The following TDRD3 variants were observed in gnomAD, a reference collection of about 807,000 sequenced individuals.
TDRD3 encodes tudor domain-containing protein 3.
TDRD3 carries 45 observed loss-of-function variants against 86.7 expected under a neutral mutation model. The ratio of observed to expected loss-of-function variants is 0.52; its 90% CI spans 0.41 to 0.67. TDRD3 has a LOEUF of 0.67. Ranked by LOEUF, TDRD3 falls within the 30% of genes least tolerant of loss-of-function variation. The pLI is 0.00. For missense variants in TDRD3, 814 were observed against 889.0 expected (o/e 0.92, Z 1.07); for synonymous variants, 298 against 301.7 (o/e 0.99, Z 0.13).
At chr13:60,517,535 C>T (rs1299097131) in intron 10 of TDRD3, among the ~76,000 whole-genome samples, 1 of 152,188 alleles carries the variant, frequency 6.6e-6, no homozygotes, top group Non-Finnish European at 1.5e-5. Context: ...TCATCAACTG[C>T]CAGCACAGCA....
intron 10 of TDRD3, among the ~76,000 whole-genome samples, chr13:60,524,380 A>C (rs1244152147): frequency 6.6e-6 from 1 of 151,718 alleles, no homozygotes; most frequent in Non-Finnish European, 1.5e-5. Flanking sequence ...GGTGGTCTGC[A>C]CCTGTAATTC....
At chr13:60,501,894 T>G (rs964619868) in intron 8 of TDRD3, among the ~76,000 whole-genome samples, 2 of 152,216 alleles carry the variant, frequency 1.3e-5, no homozygotes, top group African/African-American at 4.8e-5. Flanking sequence ...TTTTTATGCT[T>G]CTTTTTTGTT....
At chr13:60,516,733 A>G (rs1826364973) in intron 10 of TDRD3, among the ~76,000 whole-genome samples, 2 of 152,232 alleles carry the variant, frequency 1.3e-5, no homozygotes. Context: ...GCTTGGCATC[A>G]GCAACAGCAG....
At chr13:60,468,469 C>G (rs1474864665) in intron 5 of TDRD3, among the ~76,000 whole-genome samples, 8 of 151,924 alleles carry the variant, frequency 5.3e-5, no homozygotes, top group African/African-American at 1.9e-4. Context: ...TGCTTTTTAC[C>G]TAGCACTAAA....
chr13:60,553,570 G>C (rs1223127410), intron 12 of TDRD3, among the ~76,000 whole-genome samples: 1 of 151,230 alleles, frequency 6.6e-6, no homozygotes, highest in African/African-American at 2.5e-5. Flanking sequence ...AAAAAAAAGA[G>C]GTTTAATTGA....
intron 10 of TDRD3, among the ~76,000 whole-genome samples, chr13:60,516,447 C>T (rs573783390): frequency 5.9e-5 from 9 of 152,132 alleles, no homozygotes; most frequent in African/African-American, 1.2e-4. Flanking sequence ...TTCTAGTTGA[C>T]GTTTTTATTA....
chr13:60,516,574 A>G (rs552197974), intron 10 of TDRD3, among the ~76,000 whole-genome samples: 1 of 152,314 alleles, frequency 6.6e-6, no homozygotes, highest in Non-Finnish European at 1.5e-5. Context: ...GCTCTTGTAT[A>G]CTAGTTGTAT....
upstream of TDRD3, chr13:60,397,218 G>T: frequency 2.3e-6 from 1 of 439,040 alleles, no homozygotes. Flanking sequence ...AGCGCCGGCC[G>T]CACTGAGCAT....
chr13:60,491,287 T>C (rs968934445), intron 7 of TDRD3, among the ~76,000 whole-genome samples: 1 of 152,134 alleles, frequency 6.6e-6, no homozygotes, highest in Non-Finnish European at 1.5e-5. Flanking sequence ...TTATCAGACA[T>C]GCATGTAGTA....
intron 8 of TDRD3, among the ~76,000 whole-genome samples, chr13:60,505,346 C>T (rs1956913613): frequency 6.6e-6 from 1 of 152,196 alleles, no homozygotes; most frequent in Non-Finnish European, 1.5e-5. Flanking sequence ...GGGCAGAGTC[C>T]ACCGCAGCTT....
intron 12 of TDRD3, among the ~76,000 whole-genome samples, chr13:60,558,053 C>T (rs1958242048): frequency 6.6e-6 from 1 of 152,104 alleles, no homozygotes; most frequent in Non-Finnish European, 1.5e-5. Context: ...GATCTCTTGA[C>T]CTCATGATCT....
intron 1 of TDRD3, among the ~76,000 whole-genome samples, chr13:60,424,114 C>T (rs1594915247): frequency 6.6e-6 from 1 of 151,942 alleles, no homozygotes; most frequent in Non-Finnish European, 1.5e-5. Flanking sequence ...CTCCGCCTCC[C>T]GGGTTCACGC....
intron 8 of TDRD3, among the ~76,000 whole-genome samples, chr13:60,502,403 T>G (rs890705016): frequency 1.3e-5 from 2 of 152,240 alleles, no homozygotes; most frequent in African/African-American, 4.8e-5. Context: ...ATAATTTTTC[T>G]CTCTCTAGTC....
In TDRD3 at chr13:60,483,851, T is replaced by C. The variant is rs200821664; in HGVS notation, c.567+5T>C. The C allele has an allele frequency of 1.5e-5, 24 of 1,611,768 alleles. No homozygotes were observed. In the African/African-American group the frequency reaches 2.3e-4, roughly 15 times the overall value. On this transcript the variant is annotated splice_donor_5th_base_variant and intron_variant, in intron 6 of 13. Coordinates refer to ENST00000377881, the MANE Select transcript of TDRD3 (RefSeq NM_001146070.2). ...CCTTTTGTGCCTTTTGGACAGGTAA[T>C]GACTTTTGTGTTGGCAGATGAATTT...
chr13:60,545,236 TG>T (rs1477795125), intron 12 of TDRD3, among the ~76,000 whole-genome samples: 1 of 152,184 alleles, frequency 6.6e-6, no homozygotes, highest in African/African-American at 2.4e-5. Context: ...ATTGCTGGCA[TG>T]GGTCTTGATT....
intron 12 of TDRD3, among the ~76,000 whole-genome samples, chr13:60,565,836 A>T (rs1323719914): frequency 6.6e-6 from 1 of 152,200 alleles, no homozygotes; most frequent in Non-Finnish European, 1.5e-5. Context: ...CAGAACACTG[A>T]CCAGAATAAT....
intron 12 of TDRD3, among the ~76,000 whole-genome samples, chr13:60,564,728 T>C (rs557894620): frequency 6.6e-6 from 1 of 152,240 alleles, no homozygotes; most frequent in South Asian, 2.1e-4. Context: ...ATTAAAATTA[T>C]TTTTTTGAGT....
At chr13:60,523,573 CTTTT>C (rs67692021) in intron 10 of TDRD3, among the ~76,000 whole-genome samples, 1 of 105,052 alleles carries the variant, frequency 9.5e-6, no homozygotes, top group Non-Finnish European at 1.9e-5. Context: ...ATACATTTTT[CTTTT>C]TTTTTTTTTT....
intron 8 of TDRD3, among the ~76,000 whole-genome samples, chr13:60,498,749 T>C (rs1956770169): frequency 6.6e-6 from 1 of 152,112 alleles, no homozygotes; most frequent in Admixed American, 6.5e-5. Flanking sequence ...ACCTCCGGCC[T>C]TTTACCAGGG....
Sources: gnomAD v4.1 joint callset for allele counts (sites outside exome capture counted in the v4.1 genomes callset) on GRCh38, gnomAD v4.1.1 for gene constraint, MANE v1.5 for transcripts, NCBI Gene and HGNC (gene_info 2026-07-23, HGNC 2026-07-21) for gene names.